The following AUTS2 variants were observed in gnomAD, a reference collection of about 807,000 sequenced individuals.
AUTS2 encodes the protein activator of transcription and developmental regulator AUTS2, also known as autism susceptibility gene 2 protein.
Under a neutral mutation model 112.4 loss-of-function variants are expected in AUTS2, and 17 were observed. The ratio of observed to expected loss-of-function variants is 0.15; its 90% CI spans 0.10 to 0.23. The LOEUF (loss-of-function observed/expected upper bound fraction) is 0.23. AUTS2 is among the 10% of genes least tolerant of loss of function. AUTS2 has a pLI of 1.00. For synonymous variants in AUTS2, 751 were observed against 702.7 expected, an observed-to-expected ratio of 1.07 and a Z score of -1.09; for missense variants, 1,510 against 1,701.6, an observed-to-expected ratio of 0.89 and a Z score of 1.98.
At chr7:69,862,079 A>G (rs1793011357) in intron 1 of AUTS2, among the ~76,000 whole-genome samples, 1 of 152,216 alleles carries the variant, frequency 6.6e-6, no homozygotes, top group African/African-American at 2.4e-5. Context: ...ATCCTTTGGA[A>G]AGGACACTCT....
At chr7:69,900,828 G>A (rs1794939807) in intron 2 of AUTS2, among the ~76,000 whole-genome samples, 1 of 152,156 alleles carries the variant, frequency 6.6e-6, no homozygotes, top group Non-Finnish European at 1.5e-5. Context: ...AGGTACACTT[G>A]TGTCCTGAAA....
At chr7:69,725,739 T>C (rs1786478277) in intron 1 of AUTS2, among the ~76,000 whole-genome samples, 2 of 152,174 alleles carry the variant, frequency 1.3e-5, no homozygotes, top group Non-Finnish European at 2.9e-5. Flanking sequence ...TAAATTGCAC[T>C]GAGAATAGTT....
At chr7:70,131,119 T>G (rs1477848670) in intron 3 of AUTS2, among the ~76,000 whole-genome samples, 1 of 152,110 alleles carries the variant, frequency 6.6e-6, no homozygotes, top group Non-Finnish European at 1.5e-5. Flanking sequence ...GCTTGAAGTC[T>G]CCAAGCAAAA....
intron 1 of AUTS2, among the ~76,000 whole-genome samples, chr7:69,826,130 C>A (rs1418516082): frequency 6.6e-6 from 1 of 152,152 alleles, no homozygotes; most frequent in Non-Finnish European, 1.5e-5. Context: ...TCTATGAACA[C>A]AGGGGAGAAT....
intron 6 of AUTS2, among the ~76,000 whole-genome samples, chr7:70,721,160 C>T (rs1786636505): frequency 6.6e-6 from 1 of 151,648 alleles, no homozygotes; most frequent in African/African-American, 2.4e-5. Context: ...TCCTGATATA[C>T]GTTCTCTCTA....
chr7:70,321,010 C>T (rs1056386948), intron 4 of AUTS2, among the ~76,000 whole-genome samples: 1 of 152,186 alleles, frequency 6.6e-6, no homozygotes, highest in Non-Finnish European at 1.5e-5. Flanking sequence ...TGATTTGTAT[C>T]CTTGCTGGCG....
chr7:70,643,057 T>G (rs1200317540), intron 5 of AUTS2, among the ~76,000 whole-genome samples: 1 of 152,254 alleles, frequency 6.6e-6, no homozygotes, highest in Non-Finnish European at 1.5e-5. Flanking sequence ...TCCCGTCTCC[T>G]CATCTTCATT....
At chr7:69,919,065 C>T (rs920736773) in intron 2 of AUTS2, among the ~76,000 whole-genome samples, 1 of 152,042 alleles carries the variant, frequency 6.6e-6, no homozygotes, top group Non-Finnish European at 1.5e-5. Flanking sequence ...TAGCTTGGGT[C>T]ATTAACTATT....
rs375143284 is a variant in AUTS2, at chr7:70,431,543, G to A, written c.661-4209G>A. On this transcript the variant is annotated intron_variant, in intron 4 of 18. Coordinates refer to ENST00000342771, the MANE Select transcript of AUTS2 (RefSeq NM_015570.4). ...TGGGATTACAGGCGCGTGCCACCAC[G>A]CCCGGCTAATTTTTGCATTTTTAGT... 5.7e-4 allele frequency among the ~76,000 whole-genome samples: 86 copies of A among 152,144 alleles called. 1 individual carries two copies. The South Asian group carries it at 0.016, about 29-fold the overall frequency.
intron 2 of AUTS2, among the ~76,000 whole-genome samples, chr7:70,103,847 T>C (rs973589528): frequency 1.3e-5 from 2 of 151,328 alleles, no homozygotes; most frequent in African/African-American, 4.9e-5. Context: ...GAGGTGGAGG[T>C]TGCAGTGAGC....
chr7:69,806,524 C>T (rs568565540), intron 1 of AUTS2, among the ~76,000 whole-genome samples: 3 of 152,002 alleles, frequency 2.0e-5, no homozygotes, highest in South Asian at 4.2e-4. Flanking sequence ...TGGAGTGCAG[C>T]GGTGCCATCA....
At chr7:70,727,147 A>G (rs1206404450) in intron 6 of AUTS2, among the ~76,000 whole-genome samples, 1 of 152,180 alleles carries the variant, frequency 6.6e-6, no homozygotes, top group Non-Finnish European at 1.5e-5. Flanking sequence ...TTTCCACCCC[A>G]CCTCGTGGGA....
chr7:70,257,477 C>T (rs570334278), intron 4 of AUTS2, among the ~76,000 whole-genome samples: 10 of 152,180 alleles, frequency 6.6e-5, no homozygotes, highest in Admixed American at 2.0e-4. Flanking sequence ...GCTACCATGC[C>T]GAGCTAATTT....
rs565597014 is a variant in AUTS2 at position 70,157,052 on chromosome 7, G to A, written c.660+22481G>A. On this transcript the variant is annotated intron_variant, in intron 4 of 18. Transcript: ENST00000342771. ...AGATTGTGCCATTTCACTCCAGCCC[G>A]GGTGACACAGTGCAAGACTCCGTCT... is the stretch of plus-strand genomic sequence containing the variant. 1.7e-4 allele frequency among the ~76,000 whole-genome samples: 26 copies of A among 151,484 alleles called. No homozygotes were observed. In the South Asian group the frequency reaches 4.2e-3, roughly 24 times the overall value.
chr7:69,739,448 T>G (rs1167449489), intron 1 of AUTS2, among the ~76,000 whole-genome samples: 2 of 152,200 alleles, frequency 1.3e-5, no homozygotes, highest in Non-Finnish European at 2.9e-5. Flanking sequence ...ATCTGGGATT[T>G]AAGGGCATGA....
In AUTS2 at chr7:70,070,493, C is replaced by T. The variant is rs1389654642; in HGVS notation, c.523-47639C>T. Among the ~76,000 whole-genome samples the T allele has an allele frequency of 3.3e-5, 5 of 151,318 alleles. No homozygotes were observed. The East Asian group carries it at 5.8e-4, about 18-fold the overall frequency. ...GCTCTGGAGGCTGAGGCAGGAGAAT[C>T]GCTTGAACCCGGGAGGCGGAGTTTG... On this transcript the variant is annotated intron_variant, in intron 2 of 18. Transcript: ENST00000342771.
At chr7:70,309,095 C>G (rs1450477763) in intron 4 of AUTS2, among the ~76,000 whole-genome samples, 1 of 152,104 alleles carries the variant, frequency 6.6e-6, no homozygotes, top group African/African-American at 2.4e-5. Flanking sequence ...GTTTTTGAAC[C>G]CCTTTTGTAT....
chr7:69,619,546 C>T (rs1793556314), intron 1 of AUTS2, among the ~76,000 whole-genome samples: 1 of 152,084 alleles, frequency 6.6e-6, no homozygotes, highest in African/African-American at 2.4e-5. Flanking sequence ...AAGATGTGCC[C>T]CACCACCAGA....
At chr7:70,404,946 A>T (rs1017123308) in intron 4 of AUTS2, among the ~76,000 whole-genome samples, 4 of 152,180 alleles carry the variant, frequency 2.6e-5, no homozygotes, top group African/African-American at 9.7e-5. Flanking sequence ...CTGCAATATA[A>T]AATCTATAGA....
Sources: gnomAD v4.1 joint callset for allele counts (sites outside exome capture counted in the v4.1 genomes callset) on GRCh38, gnomAD v4.1.1 for gene constraint, MANE v1.5 for transcripts, NCBI Gene and HGNC (gene_info 2026-07-23, HGNC 2026-07-21) for gene names.